Variants in BARD1 observed in about 807,000 individuals in gnomAD.
BARD1 encodes the protein BRCA1-associated RING domain protein 1.
Under a neutral mutation model 77.0 loss-of-function variants are expected in BARD1, and 73 were observed. That is an observed-to-expected ratio of 0.95 (90% CI 0.79 to 1.15). The LOEUF is 1.15. Among genes scored for constraint, BARD1 ranks in the 50% most tolerant of loss-of-function variants. The probability of loss-of-function intolerance (pLI) is 0.00; values close to 1 mark genes in which losing one functional copy is unlikely to be tolerated. For synonymous variants in BARD1, 384 were observed against 338.0 expected (o/e 1.14, Z -1.49); for missense variants, 993 against 938.8 (o/e 1.06, Z -0.75).
chr2:214,761,355 G>A (rs1016731263), intron 6 of BARD1, among the ~76,000 whole-genome samples: 4 of 150,418 alleles, frequency 2.7e-5, no homozygotes, highest in South Asian at 2.1e-4. Context: ...ATCAAAATCC[G>A]AGGCAAAAAA....
intron 9 of BARD1, among the ~76,000 whole-genome samples, chr2:214,732,614 C>G (rs538170043): frequency 3.3e-5 from 5 of 152,186 alleles, no homozygotes; most frequent in African/African-American, 7.2e-5. Context: ...CCAGGATGGT[C>G]TCGATCTCCT....
chr2:214,774,074 T>C (rs1426618775), intron 4 of BARD1, among the ~76,000 whole-genome samples: 2 of 152,232 alleles, frequency 1.3e-5, no homozygotes, highest in African/African-American at 4.8e-5. Context: ...CCATTGAAGT[T>C]TGATCATGAG....
intron 9 of BARD1, among the ~76,000 whole-genome samples, chr2:214,738,689 A>G (rs138188860): frequency 1.3e-5 from 2 of 152,320 alleles, no homozygotes; most frequent in East Asian, 1.9e-4. Flanking sequence ...ATCCACAGTT[A>G]TACAAAAATG....
rs1553612528 is a variant in BARD1, at chr2:214,730,486, T to C, written c.1926A>G (p.Arg642=). ...KFEWVKACLR[R]KVCEQEEKYE... ...ACTTTTCTTCCTGTTCACATACTTT[T>C]CTTCGTAGACATGCTTTTACCCCTG... is the stretch of plus-strand genomic sequence containing the variant. Residue 642 remains arginine, a synonymous_variant, in exon 10 of 11, where the codon AGA becomes AGG. Coordinates refer to ENST00000260947, the MANE Select transcript of BARD1 (RefSeq NM_000465.4). 1 of 1,614,006 alleles carries C rather than the reference T, an allele frequency of 6.2e-7. No individual in the cohort carries two copies. The highest frequency in any genetic ancestry group is 8.5e-7 in the Non-Finnish European group (1 of 1,179,966).
At chr2:214,756,716 C>T (rs188477222) in intron 6 of BARD1, among the ~76,000 whole-genome samples, 8 of 152,150 alleles carry the variant, frequency 5.3e-5, no homozygotes, top group Admixed American at 3.3e-4. Flanking sequence ...TTCTAGGTGA[C>T]GTAACTCAGG....
chr2:214,730,391 T>A lies in BARD1; in HGVS notation c.2001+20A>T, dbSNP rs1236240321. On this transcript the variant is annotated intron_variant, in intron 10 of 10. Transcript: ENST00000260947. ...TATGTCATAATAAGAACAATGAAAG[T>A]TGTATTAAAAGAAAAATACCAGCTG... 1 of 1,594,300 alleles carries A rather than the reference T, an allele frequency of 6.3e-7. No homozygotes were observed. Among genetic ancestry groups the A allele is most frequent in the Admixed American group, 1.7e-5 (1 of 59,992 alleles).
At chr2:214,798,731 T>A (rs1351384717) in intron 1 of BARD1, among the ~76,000 whole-genome samples, 1 of 146,580 alleles carries the variant, frequency 6.8e-6, no homozygotes, top group Admixed American at 6.9e-5. Context: ...GTCTACTTCT[T>A]CCCTGCCCAC....
chr2:214,758,401 T>G (rs1693799483), intron 6 of BARD1, among the ~76,000 whole-genome samples: 1 of 152,214 alleles, frequency 6.6e-6, no homozygotes, highest in South Asian at 2.1e-4. Flanking sequence ...GTATTGGATT[T>G]GCATTTTTGG....
At chr2:214,805,433 C>T (rs1357057639) in intron 1 of BARD1, among the ~76,000 whole-genome samples, 1 of 152,154 alleles carries the variant, frequency 6.6e-6, no homozygotes, top group Non-Finnish European at 1.5e-5. Flanking sequence ...ATTTGGGGAT[C>T]ACTGCTCTGT....
intron 4 of BARD1, among the ~76,000 whole-genome samples, chr2:214,772,350 A>C (rs983611599): frequency 6.6e-6 from 1 of 152,184 alleles, no homozygotes; most frequent in Non-Finnish European, 1.5e-5. Context: ...GTGAGCAGAT[A>C]AACTGCCAGA....
intron 5 of BARD1, among the ~76,000 whole-genome samples, chr2:214,768,174 A>G (rs1013060520): frequency 6.6e-6 from 1 of 152,234 alleles, no homozygotes; most frequent in Non-Finnish European, 1.5e-5. Flanking sequence ...GAGCTTGCTG[A>G]ATGACAGAAA....
Position 214,727,114 on chromosome 2 carries a change from T to C in BARD1, c.*1562A>G, listed in dbSNP as rs1692115984. On this transcript the variant is annotated 3_prime_UTR_variant, in exon 11 of 11. Transcript: ENST00000260947. ...CTATCAGAATGAAATGTGGGACAAATGCATTACTGGTTGTAGAGAGTGTTT... is the reference window on the plus strand; with the variant it reads ...CTATCAGAATGAAATGTGGGACAAACGCATTACTGGTTGTAGAGAGTGTTT... The C allele has an allele frequency of 4.6e-6, 1 of 216,406 alleles. No individual in the cohort carries two copies. Among genetic ancestry groups the C allele is most frequent in the Non-Finnish European group, 9.3e-6 (1 of 107,498 alleles). 13.4% of individuals were successfully genotyped at this position (216,406 alleles called of 1,614,324 possible).
chr2:214,734,995 T>C (rs1478688451), intron 9 of BARD1, among the ~76,000 whole-genome samples: 1 of 152,230 alleles, frequency 6.6e-6, no homozygotes, highest in Non-Finnish European at 1.5e-5. Flanking sequence ...GTTACATTTC[T>C]GTGGGCCTGT....
chr2:214,777,292 A>G (rs1295038717), intron 4 of BARD1, among the ~76,000 whole-genome samples: 1 of 152,172 alleles, frequency 6.6e-6, no homozygotes, highest in Non-Finnish European at 1.5e-5. Context: ...GTTATGGCCA[A>G]TGATGATGCC....
chr2:214,768,503 G>C (rs1018217715), intron 5 of BARD1, among the ~76,000 whole-genome samples: 1 of 152,220 alleles, frequency 6.6e-6, no homozygotes, highest in East Asian at 1.9e-4. Flanking sequence ...CCAGCAAAGC[G>C]ACTGATCTAG....
chr2:214,781,698 T>G (rs1239678852), intron 3 of BARD1, among the ~76,000 whole-genome samples, 189 bp from the exon 4 acceptor site: 2 of 152,108 alleles, frequency 1.3e-5, no homozygotes, highest in Non-Finnish European at 2.9e-5. Flanking sequence ...TGAATCCGAC[T>G]TTGTGCCATA....
intron 9 of BARD1, among the ~76,000 whole-genome samples, chr2:214,739,747 G>C (rs1305578970): frequency 2.0e-5 from 3 of 151,888 alleles, no homozygotes; most frequent in Non-Finnish European, 4.4e-5. Flanking sequence ...AAATACTGTC[G>C]ACAGTCATTA....
At chr2:214,775,594 T>G (rs115768247) in intron 4 of BARD1, among the ~76,000 whole-genome samples, 232 of 152,228 alleles carry the variant, frequency 1.5e-3, no homozygotes, top group Middle Eastern at 0.014. Flanking sequence ...GAGCATAGGC[T>G]GTTGGAAAAA....
intron 4 of BARD1, among the ~76,000 whole-genome samples, chr2:214,777,680 T>C (rs1457331931): frequency 6.6e-6 from 1 of 152,196 alleles, no homozygotes; most frequent in Non-Finnish European, 1.5e-5. Flanking sequence ...GCCTTAAAGG[T>C]CACCAAAACT....
Sources: gnomAD v4.1 joint callset for allele counts (sites outside exome capture counted in the v4.1 genomes callset) on GRCh38, gnomAD v4.1.1 for gene constraint, MANE v1.5 for transcripts, NCBI Gene and HGNC (gene_info 2026-07-23, HGNC 2026-07-21) for gene names.